The following ZNF385B variants were observed in gnomAD, a reference collection of about 807,000 sequenced individuals.
ZNF385B encodes the protein zinc finger protein 385B.
A neutral mutation model predicts 39.2 loss-of-function variants in ZNF385B; 23 were observed. That is an observed-to-expected ratio of 0.59 (90% CI 0.42 to 0.83). The LOEUF (loss-of-function observed/expected upper bound fraction) is 0.83. Among genes scored for constraint, ZNF385B ranks in the 40% least tolerant of loss-of-function variants. ZNF385B has a pLI of 0.00. For missense variants in ZNF385B, 552 were observed against 598.9 expected (o/e 0.92, Z 0.82); for synonymous variants, 205 against 222.6 (o/e 0.92, Z 0.70).
At chr2:179,599,276 C>A (rs932500607) in intron 3 of ZNF385B, among the ~76,000 whole-genome samples, 2 of 152,046 alleles carry the variant, frequency 1.3e-5, no homozygotes, top group South Asian at 4.1e-4. Flanking sequence ...CTTCTGATTC[C>A]GAAAATCACA....
chr2:179,515,289 C>T (rs1288551593), intron 5 of ZNF385B, among the ~76,000 whole-genome samples: 1 of 152,174 alleles, frequency 6.6e-6, no homozygotes, highest in Non-Finnish European at 1.5e-5. Flanking sequence ...TGGCTTTAAA[C>T]CAAGCAGTTC....
At chr2:179,523,346 GC>G (rs1411747768) in intron 4 of ZNF385B, among the ~76,000 whole-genome samples, 5 of 92,872 alleles carry the variant, frequency 5.4e-5, no homozygotes, top group Non-Finnish European at 8.6e-5. Flanking sequence ...AAATCTGTGT[GC>G]GTTTTTTTTT....
intron 3 of ZNF385B, among the ~76,000 whole-genome samples, chr2:179,671,420 C>A (rs10803927): frequency 1.3e-5 from 2 of 151,940 alleles, no homozygotes; most frequent in Non-Finnish European, 1.5e-5. Context: ...TAAACCTTTG[C>A]GAAATTCAGA....
At chr2:179,582,973 C>T (rs746615127) in intron 3 of ZNF385B, among the ~76,000 whole-genome samples, 24 of 152,180 alleles carry the variant, frequency 1.6e-4, no homozygotes, top group Non-Finnish European at 3.2e-4. Context: ...CCTCAGCCTG[C>T]TGATTATCTG....
At chr2:179,757,921 A>G (rs1703144958) in intron 3 of ZNF385B, among the ~76,000 whole-genome samples, 1 of 151,948 alleles carries the variant, frequency 6.6e-6, no homozygotes, top group African/African-American at 2.4e-5. Flanking sequence ...AGGTGAGGCG[A>G]TGCCTCACCC....
At chr2:179,457,771 T>G (rs1450237930) in intron 6 of ZNF385B, among the ~76,000 whole-genome samples, 1 of 152,210 alleles carries the variant, frequency 6.6e-6, no homozygotes, top group Non-Finnish European at 1.5e-5. Context: ...AAATATAGCC[T>G]GAACAGGAGT....
chr2:179,727,891 T>C (rs1701121292), intron 3 of ZNF385B, among the ~76,000 whole-genome samples: 2 of 152,090 alleles, frequency 1.3e-5, no homozygotes, highest in Non-Finnish European at 2.9e-5. Flanking sequence ...GGGTGACAAA[T>C]CATATCACTG....
intron 1 of ZNF385B, among the ~76,000 whole-genome samples, chr2:179,799,065 T>G (rs1364536637): frequency 6.6e-6 from 1 of 152,072 alleles, no homozygotes; most frequent in Non-Finnish European, 1.5e-5. Context: ...GTAAGAGTAG[T>G]ACACTATATA....
At chr2:179,613,534 G>T (rs1461673368) in intron 3 of ZNF385B, among the ~76,000 whole-genome samples, 2 of 152,102 alleles carry the variant, frequency 1.3e-5, no homozygotes, top group Non-Finnish European at 2.9e-5. Flanking sequence ...CTGAACCAGG[G>T]TGTGTCTAGA....
chr2:179,720,024 A>G (rs1163632353), intron 3 of ZNF385B, among the ~76,000 whole-genome samples: 2 of 152,206 alleles, frequency 1.3e-5, no homozygotes, highest in African/African-American at 4.8e-5. Context: ...AGTCCAAATC[A>G]GGAGTTGTTT....
chr2:179,583,861 G>T (rs1686802553), intron 3 of ZNF385B: 3 of 1,278,578 alleles, frequency 2.3e-6, no homozygotes, highest in Non-Finnish European at 3.1e-6. Flanking sequence ...TGAAACCTCA[G>T]ATCTTACTGC....
rs1046787404 is a variant in ZNF385B, at chr2:179,828,611, C to T, written c.-155+32490G>A. On this transcript the variant is annotated intron_variant, in intron 1 of 9. Coordinates refer to ENST00000410066, the MANE Select transcript of ZNF385B (RefSeq NM_152520.6). ...ATTATTGGAAAAAAGAATACCAAGACAATCAAAAAGGGAAGATTTGGATAA... is the reference window on the plus strand; with the variant it reads ...ATTATTGGAAAAAAGAATACCAAGATAATCAAAAAGGGAAGATTTGGATAA... 4.6e-5 allele frequency among the ~76,000 whole-genome samples: 7 copies of T among 152,140 alleles called. No individual in the cohort carries two copies. In the East Asian group the frequency reaches 1.4e-3, roughly 29 times the overall value.
At chr2:179,630,464 G>A (rs915179297) in intron 3 of ZNF385B, among the ~76,000 whole-genome samples, 1 of 152,028 alleles carries the variant, frequency 6.6e-6, no homozygotes, top group African/African-American at 2.4e-5. Flanking sequence ...AAACAGAAAG[G>A]AATAGCATTG....
chr2:179,589,290 G>A (rs1223802035), intron 3 of ZNF385B, among the ~76,000 whole-genome samples: 1 of 152,148 alleles, frequency 6.6e-6, no homozygotes, highest in Non-Finnish European at 1.5e-5. Context: ...CTTAACTCTG[G>A]TCTAACTGGC....
chr2:179,610,526 T>C (rs920546606), intron 3 of ZNF385B, among the ~76,000 whole-genome samples: 1 of 152,184 alleles, frequency 6.6e-6, no homozygotes, highest in Non-Finnish European at 1.5e-5. Flanking sequence ...CAGGATATCA[T>C]TGGCTAATCT....
chr2:179,515,387 T>A (rs1044750362), intron 5 of ZNF385B, among the ~76,000 whole-genome samples: 1 of 152,244 alleles, frequency 6.6e-6, no homozygotes, highest in Non-Finnish European at 1.5e-5. Flanking sequence ...TGCATTGTAC[T>A]GAGAGATGTT....
At chr2:179,543,767 C>G (rs141703345) in intron 4 of ZNF385B, among the ~76,000 whole-genome samples, 2 of 152,246 alleles carry the variant, frequency 1.3e-5, no homozygotes, top group African/African-American at 4.8e-5. Flanking sequence ...CTGTAAAAAG[C>G]TGGCTGATGC....
intron 3 of ZNF385B, among the ~76,000 whole-genome samples, chr2:179,736,889 G>T (rs1366559312): frequency 6.6e-6 from 1 of 152,190 alleles, no homozygotes; most frequent in East Asian, 1.9e-4. Flanking sequence ...AGAATCACTT[G>T]AACTCGAGAG....
At position 179,595,567 on chromosome 2, in the gene ZNF385B, T is replaced by C. The variant is rs1687925270; in HGVS notation, c.299-50598A>G. 2.6e-5 allele frequency among the ~76,000 whole-genome samples: 4 copies of C among 152,064 alleles called. No homozygotes were observed. The South Asian group carries it at 8.3e-4, about 32-fold the overall frequency. The stretch of plus-strand genomic sequence containing the variant: ...GCAGCCCAGTTCTCTGATAGGGCTT[T>C]AGAAGTCATATCTAGAAACTCAAGC... On this transcript the variant is annotated intron_variant, in intron 3 of 9. Coordinates refer to ENST00000410066, the MANE Select transcript of ZNF385B (RefSeq NM_152520.6).
Sources: gnomAD v4.1 joint callset for allele counts (sites outside exome capture counted in the v4.1 genomes callset) on GRCh38, gnomAD v4.1.1 for gene constraint, MANE v1.5 for transcripts, NCBI Gene and HGNC (gene_info 2026-07-23, HGNC 2026-07-21) for gene names.